ZNF275: variants seen among roughly 807,000 people sequenced by gnomAD.
ZNF275 encodes the protein zinc finger protein 275.
A neutral mutation model predicts 4.3 loss-of-function variants in ZNF275; 4 were observed. That is an observed-to-expected ratio of 0.93 (90% CI 0.46 to 2.13). The LOEUF is 2.13. Among genes scored for constraint, ZNF275 ranks in the 30% most tolerant of loss-of-function variants. The pLI is 0.02. For missense variants in ZNF275, 352 were observed against 397.1 expected (o/e 0.89, Z 0.97); for synonymous variants, 173 against 166.9 (o/e 1.04, Z -0.28).
At position 153,351,579 on chromosome X, in the gene ZNF275, GAAAAAGAAAAAAA is replaced by G. The variant is rs1479152139; in HGVS notation, c.*3614_*3626del. On this transcript the variant is annotated 3_prime_UTR_variant, in exon 4 of 4. Transcript: ENST00000650114. ...GTCAGCACATTAACTGCCTGGCATG[GAAAAAGAAAAAAA>G]AAAAAGAAATATGTTCTTTTCCTAC... is the stretch of plus-strand genomic sequence containing the variant. 2.8e-5 allele frequency: 3 copies of G among 106,437 alleles called. No homozygotes were observed. The highest frequency in any genetic ancestry group is 5.8e-5 in the Non-Finnish European group (3 of 51,688). 8.8% of individuals were successfully genotyped at this position (106,437 alleles called of 1,213,427 possible). A position where few individuals can be genotyped will look rare whatever the true frequency, so the allele number is the denominator to read the frequency against.
At position 153,336,620 on chromosome X, in the gene ZNF275, T is replaced by C. The variant is rs782435813; in HGVS notation, c.-46-14T>C. 17 of 1,129,145 alleles carry C rather than the reference T, an allele frequency of 1.5e-5. No homozygotes were observed. The South Asian group carries it at 3.1e-4, about 21-fold the overall frequency. 93.1% of individuals were successfully genotyped at this position (1,129,145 alleles called of 1,213,427 possible). A position where few individuals can be genotyped will look rare whatever the true frequency, so the allele number is the denominator to read the frequency against. On this transcript the variant is annotated splice_polypyrimidine_tract_variant and intron_variant, in intron 1 of 3. Coordinates refer to ENST00000650114, the MANE Select transcript of ZNF275 (RefSeq NM_001367757.1). ...GGTCTGCTTCTGTTCACCTGAATTA[T>C]TGCAATCCAACAGATGGGGCCTTAC...
chrX:153,340,261 T>C (rs2088473211), intron 2 of ZNF275, among the ~76,000 whole-genome samples: 1 of 112,324 alleles, frequency 8.9e-6, no homozygotes, highest in Admixed American at 9.3e-5. Context: ...CCTTGGACTC[T>C]GGGGCTAGAT....
chrX:153,336,364 C>T (rs1339218075), intron 1 of ZNF275, among the ~76,000 whole-genome samples: 4 of 112,789 alleles, frequency 3.5e-5, no homozygotes, highest in Admixed American at 2.8e-4. Context: ...TGCTTTGGGA[C>T]GGGACGGGAT....
Position 153,346,836 on chromosome X carries a change from C to G in ZNF275, c.151C>G (p.Arg51Gly). The change falls in exon 4 of 4, where the codon CGA becomes GGA. Residue 51 changes from arginine to glycine, a missense_variant. Physicochemically the swap from Arg to Gly is moderately radical, Grantham distance 125 (BLOSUM62 -2). Transcript: ENST00000650114. ...CGTTTCAGAAAGCACCTCCGCGACCCGACACCAGATGAAGGGGGAAGATGC... is the reference window on the plus strand; with the variant it reads ...CGTTTCAGAAAGCACCTCCGCGACCGGACACCAGATGAAGGGGGAAGATGC... ...AKYSESTSAT[R>G]HQMKGEDAQP... 2 of 1,198,783 alleles carry G rather than the reference C, an allele frequency of 1.7e-6. No homozygotes were observed. The highest frequency in any genetic ancestry group is 2.3e-6 in the Non-Finnish European group (2 of 888,221).
chrX:153,347,374 T>G lies in ZNF275; in HGVS notation c.689T>G (p.Leu230Arg). 1 of 1,212,157 alleles carries G rather than the reference T, an allele frequency of 8.2e-7. No individual in the cohort carries two copies. The highest frequency in any genetic ancestry group is 1.1e-6 in the Non-Finnish European group (1 of 895,502). Residue 230 changes from leucine to arginine, a missense_variant, in exon 4 of 4, where the codon CTT becomes CGT. By Grantham distance (102) the Leu-to-Arg change is moderately radical (BLOSUM62 -2). Transcript: ENST00000650114. ...ACCCACCTCTTCCGACATCAGAAAC[T>G]TCACACTTCGGAAAAGCCTTTCGCC... ...VNTHLFRHQK[L>R]HTSEKPFACK...
intron 2 of ZNF275, chrX:153,345,194 G>C (rs1474568024): frequency 4.9e-6 from 1 of 204,025 alleles, no homozygotes; most frequent in Non-Finnish European, 9.2e-6. Context: ...AGCTGTCGAA[G>C]TCCACGTGTC....
At chrX:153,338,514 T>G (rs2088460006) in intron 2 of ZNF275, among the ~76,000 whole-genome samples, 2 of 110,969 alleles carry the variant, frequency 1.8e-5, no homozygotes, top group Admixed American at 9.6e-5. Context: ...AGGAAAGGAT[T>G]ATTAACAATT....
chrX:153,334,268 G>A lies in ZNF275; in HGVS notation c.-64G>A, dbSNP rs2088428758. The A allele has an allele frequency of 8.9e-6, 1 of 112,436 alleles. No individual in the cohort carries two copies. Among genetic ancestry groups the A allele is most frequent in the Admixed American group, 9.3e-5 (1 of 10,777 alleles). 9.3% of individuals were successfully genotyped at this position (112,436 alleles called of 1,213,427 possible). ...GCCGCTCCACCGAGGGCCGCGCGTC[G>A]GCCGCCGCCGGGCCTGGGTGAGTGT... On this transcript the variant is annotated 5_prime_UTR_variant, in exon 1 of 4. Transcript: ENST00000650114.
chrX:153,336,515 T>C, intron 1 of ZNF275, 119 bp from the exon 2 acceptor site: 1 of 498,773 alleles, frequency 2.0e-6, no homozygotes, highest in African/African-American at 2.3e-5. Flanking sequence ...TGGCAGTATA[T>C]ATTCAGTTGA....
intron 2 of ZNF275, chrX:153,344,721 G>A (rs1556961354): frequency 5.4e-6 from 2 of 373,528 alleles, no homozygotes; most frequent in Non-Finnish European, 1.0e-5. Context: ...CAAGGGAGTG[G>A]TTTAAGCTGG....
intron 2 of ZNF275, among the ~76,000 whole-genome samples, chrX:153,338,179 C>T (rs1421728438): frequency 9.0e-6 from 1 of 110,693 alleles, no homozygotes; most frequent in East Asian, 2.8e-4. Context: ...CTAAATGATC[C>T]GATTGTCTCT....
At position 153,348,876 on chromosome X, in the gene ZNF275, G is replaced by A. The variant is rs896667632; in HGVS notation, c.*901G>A. On this transcript the variant is annotated 3_prime_UTR_variant, in exon 4 of 4. Coordinates refer to ENST00000650114, the MANE Select transcript of ZNF275 (RefSeq NM_001367757.1). ...CCAAAATGTCATTGTGAGGCCAAAC[G>A]CCTAGTAACAGTTACTGAATCTGGG... The A allele has an allele frequency of 8.1e-6, 1 of 123,440 alleles. No homozygotes were observed. The highest frequency in any genetic ancestry group is 1.9e-5 in the Non-Finnish European group (1 of 53,298). 10.2% of individuals were successfully genotyped at this position (123,440 alleles called of 1,213,427 possible).
At position 153,336,820 on chromosome X, in the gene ZNF275, G is replaced by A. The variant is rs1340639295; in HGVS notation, c.31+110G>A. The A allele has an allele frequency of 1.6e-5, 13 of 807,268 alleles. No homozygotes were observed. The South Asian group carries it at 2.2e-4, about 14-fold the overall frequency. The allele number at this position is 807,268 out of a possible 1,213,427, so 66.5% of individuals were successfully genotyped here. A position where few individuals can be genotyped will look rare whatever the true frequency, so the allele number is the denominator to read the frequency against. ...TGGTGAGGAGTATCGTTTTGGTTCCGGAAGCACTTATATTTTCATCTGTGC... is the reference window on the plus strand; with the variant it reads ...TGGTGAGGAGTATCGTTTTGGTTCCAGAAGCACTTATATTTTCATCTGTGC... On this transcript the variant is annotated intron_variant, in intron 2 of 3. Coordinates refer to ENST00000650114, the MANE Select transcript of ZNF275 (RefSeq NM_001367757.1).
chrX:153,346,983 C>A lies in ZNF275; in HGVS notation c.298C>A (p.His100Asn). ...GSPQNLPIEH[H>N]FACKECGDTF... ...CCCACAGAATCTGCCCATAGAACAT[C>A]ATTTTGCTTGTAAAGAGTGTGGGGA... The change falls in exon 4 of 4, where the codon CAT becomes AAT. Residue 100 changes from histidine to asparagine, a missense_variant. Physicochemically the swap from His to Asn is moderately conservative, Grantham distance 68. Transcript: ENST00000650114. The A allele has an allele frequency of 8.3e-7, 1 of 1,211,390 alleles. No homozygotes were observed. The highest frequency in any genetic ancestry group is 1.1e-6 in the Non-Finnish European group (1 of 895,428).
intron 2 of ZNF275, among the ~76,000 whole-genome samples, chrX:153,337,929 C>T (rs111350418): frequency 7.1e-5 from 8 of 112,183 alleles, no homozygotes; most frequent in Non-Finnish European, 1.1e-4. Context: ...AGATTCAGGA[C>T]ATGCTTTTGT....
At chrX:153,340,037 TGTAA>T (rs1454210167) in intron 2 of ZNF275, among the ~76,000 whole-genome samples, 3 of 112,429 alleles carry the variant, frequency 2.7e-5, no homozygotes, top group Non-Finnish European at 5.6e-5. Context: ...AAATGAATTG[TGTAA>T]GTAATTCATG....
At chrX:153,337,313 A>G (rs1319842129) in intron 2 of ZNF275, among the ~76,000 whole-genome samples, 3 of 111,870 alleles carry the variant, frequency 2.7e-5, no homozygotes, top group Non-Finnish European at 5.6e-5. Context: ...TAGGCTCAGA[A>G]GCTACCGTTA....
Position 153,344,358 on chromosome X carries a change from T to G in ZNF275, c.32-1162T>G, listed in dbSNP as rs936379305. ...TCCTACCCTCCCTCTGCTTCTCTTC[T>G]GGAGGCTGCCAAGGATTGGATGTCC... On this transcript the variant is annotated intron_variant, in intron 2 of 3. Coordinates refer to ENST00000650114, the MANE Select transcript of ZNF275 (RefSeq NM_001367757.1). 4.3e-5 allele frequency: 11 copies of G among 258,735 alleles called. No individual in the cohort carries two copies. In the Middle Eastern group the frequency reaches 4.4e-3, roughly 104 times the overall value. The allele number at this position is 258,735 out of a possible 1,213,427, so 21.3% of individuals were successfully genotyped here.
chrX:153,336,886 A>G (rs2088449946), intron 2 of ZNF275, among the ~76,000 whole-genome samples, 176 bp downstream of exon 2: 1 of 111,669 alleles, frequency 9.0e-6, no homozygotes, highest in African/African-American at 3.3e-5. Flanking sequence ...CAGTTCTCTC[A>G]ATCCAAGCAA....
Sources: gnomAD v4.1 joint callset for allele counts (sites outside exome capture counted in the v4.1 genomes callset) on GRCh38, gnomAD v4.1.1 for gene constraint, MANE v1.5 for transcripts, NCBI Gene and HGNC (gene_info 2026-07-23, HGNC 2026-07-21) for gene names.